Variants in THSD4 observed in about 807,000 individuals in gnomAD.
THSD4 encodes thrombospondin type 1 domain containing 4, also known as thrombospondin type-1 domain-containing protein 4.
In THSD4, 69 loss-of-function variants were observed where a neutral mutation model predicts 119.0. That is an observed-to-expected ratio of 0.58 (90% confidence interval 0.48 to 0.71). The LOEUF (loss-of-function observed/expected upper bound fraction) is 0.71. Among genes scored for constraint, THSD4 ranks in the 30% least tolerant of loss-of-function variants. THSD4 has a pLI of 0.00. For synonymous variants in THSD4, 524 were observed against 540.4 expected (o/e 0.97, Z 0.42); for missense variants, 1,393 against 1,391.1 (o/e 1.00, Z -0.02).
At chr15:71,699,062 C>T (rs1336227884) in intron 8 of THSD4, among the ~76,000 whole-genome samples, 2 of 151,974 alleles carry the variant, frequency 1.3e-5, no homozygotes, top group African/African-American at 4.8e-5. Context: ...AAGAGTAGAC[C>T]TTATTTTTAA....
chr15:71,510,732 C>G (rs2048270116), intron 7 of THSD4, among the ~76,000 whole-genome samples: 1 of 152,202 alleles, frequency 6.6e-6, no homozygotes, highest in Non-Finnish European at 1.5e-5. Context: ...CTTAACTCAC[C>G]TGTAGTCTGG....
At chr15:71,640,935 C>A (rs1390925338) in intron 7 of THSD4, among the ~76,000 whole-genome samples, 1 of 151,714 alleles carries the variant, frequency 6.6e-6, no homozygotes, top group East Asian at 1.9e-4. Flanking sequence ...ATTAATATAA[C>A]AAGTCACCTG....
intron 8 of THSD4, among the ~76,000 whole-genome samples, chr15:71,687,735 A>G (rs1019127506): frequency 1.4e-5 from 2 of 144,982 alleles, no homozygotes; most frequent in Non-Finnish European, 3.0e-5. Flanking sequence ...AGTCTGGGCA[A>G]CAAGAGTGAA....
chr15:71,615,945 A>T (rs2050312041), intron 7 of THSD4, among the ~76,000 whole-genome samples: 1 of 151,858 alleles, frequency 6.6e-6, no homozygotes, highest in East Asian at 1.9e-4. Flanking sequence ...CATTCATGTG[A>T]CTCTCCTCAC....
upstream of THSD4, chr15:71,113,884 A>G (rs1385318269): frequency 1.3e-5 from 2 of 152,092 alleles, no homozygotes; most frequent in South Asian, 2.1e-4. Context: ...TTTTAAGTGT[A>G]TAATTCAGTG....
chr15:71,602,383 G>A (rs1458675411), intron 7 of THSD4, among the ~76,000 whole-genome samples: 2 of 151,426 alleles, frequency 1.3e-5, no homozygotes, highest in Admixed American at 6.6e-5. Flanking sequence ...GAGAAACCCC[G>A]TCTCTACTAA....
At chr15:71,659,049 AC>A (rs2140993406) in intron 7 of THSD4, among the ~76,000 whole-genome samples, 1 of 152,346 alleles carries the variant, frequency 6.6e-6, no homozygotes, top group East Asian at 1.9e-4. Context: ...TCAAAAGTGG[AC>A]TTTGACTGGT....
chr15:71,338,077 T>G (rs2045511866), intron 6 of THSD4, among the ~76,000 whole-genome samples: 1 of 152,224 alleles, frequency 6.6e-6, no homozygotes, highest in Non-Finnish European at 1.5e-5. Context: ...CCCCCATCAA[T>G]GCCCCAAAAT....
chr15:71,551,900 A>G (rs1193761706), intron 7 of THSD4, among the ~76,000 whole-genome samples: 2 of 152,172 alleles, frequency 1.3e-5, no homozygotes, highest in Non-Finnish European at 2.9e-5. Flanking sequence ...AGCCACCCTT[A>G]CCAGTTCTGG....
intron 7 of THSD4, among the ~76,000 whole-genome samples, chr15:71,413,052 C>T (rs1290844492): frequency 6.6e-6 from 1 of 152,102 alleles, no homozygotes; most frequent in Non-Finnish European, 1.5e-5. Context: ...ACTCTTGTTG[C>T]CCAGGCTGGA....
Position 71,731,094 on chromosome 15 carries a change from C to T in THSD4, c.1534-27C>T, listed in dbSNP as rs544134631. 40 of 1,611,202 alleles carry T rather than the reference C, an allele frequency of 2.5e-5. No individual in the cohort carries two copies. The East Asian group carries it at 3.1e-4, about 13-fold the overall frequency. ...AAGGGGTGTGCATACGTGCCAAGTG[C>T]GGTAACACTGATTTTTGTGTCAGCA... On this transcript the variant is annotated intron_variant, in intron 9 of 17. Transcript: ENST00000261862.
intron 7 of THSD4, among the ~76,000 whole-genome samples, chr15:71,435,882 C>G (rs1428193565): frequency 6.6e-6 from 1 of 152,158 alleles, no homozygotes; most frequent in Non-Finnish European, 1.5e-5. Context: ...GGATAGAACT[C>G]CTTTTAGGAC....
chr15:71,286,169 G>T (rs1408820420), intron 6 of THSD4, among the ~76,000 whole-genome samples: 1 of 152,114 alleles, frequency 6.6e-6, no homozygotes, highest in East Asian at 1.9e-4. Flanking sequence ...TAACTTTTAA[G>T]TTCAGAGATA....
chr15:71,766,127 A>G (rs2053713403), intron 16 of THSD4, among the ~76,000 whole-genome samples: 1 of 152,164 alleles, frequency 6.6e-6, no homozygotes. Flanking sequence ...AAAGAGAGAG[A>G]TTGATAAATA....
chr15:71,114,369 C>CA (rs1310601406), upstream of THSD4, among the ~76,000 whole-genome samples: 1 of 152,142 alleles, frequency 6.6e-6, no homozygotes, highest in African/African-American at 2.4e-5. Flanking sequence ...GGTATACCTG[C>CA]ACTTTCAAAA....
At chr15:71,731,700 C>T (rs568871638) in intron 10 of THSD4, 1 of 173,360 alleles carries the variant, frequency 5.8e-6, no homozygotes. Flanking sequence ...GGAGAATCAT[C>T]TGAGCCCAAG....
At chr15:71,112,381 A>G (rs1010043232), upstream of THSD4, 5 of 730,686 alleles carry the variant, frequency 6.8e-6, no homozygotes, top group African/African-American at 7.2e-5. Context: ...GCTGTCTTAC[A>G]TAGACAGAAC....
At chr15:71,531,558 C>T (rs1217614099) in intron 7 of THSD4, among the ~76,000 whole-genome samples, 1 of 152,148 alleles carries the variant, frequency 6.6e-6, no homozygotes, top group African/African-American at 2.4e-5. Context: ...GGTTTGAATC[C>T]CTGCTTTGCT....
At chr15:71,479,042 C>G (rs920758477) in intron 7 of THSD4, among the ~76,000 whole-genome samples, 1 of 150,892 alleles carries the variant, frequency 6.6e-6, no homozygotes, top group Non-Finnish European at 1.5e-5. Flanking sequence ...CAGTGGCAGT[C>G]GAGGGGAACA....
Sources: gnomAD v4.1 joint callset for allele counts (sites outside exome capture counted in the v4.1 genomes callset) on GRCh38, gnomAD v4.1.1 for gene constraint, MANE v1.5 for transcripts, NCBI Gene and HGNC (gene_info 2026-07-23, HGNC 2026-07-21) for gene names.